The following MMP28 variants were observed in gnomAD, a reference collection of about 807,000 sequenced individuals.
The protein encoded by MMP28 is matrix metalloproteinase-28.
In MMP28, 55 loss-of-function variants were observed where a neutral mutation model predicts 60.5. The observed-to-expected ratio is 0.91, with a 90% confidence interval of 0.73 to 1.14. MMP28 has a LOEUF of 1.14. Ranked by LOEUF, MMP28 falls within the 50% of genes most tolerant of loss-of-function variation. The pLI, the probability that MMP28 is intolerant of heterozygous loss-of-function variation, is 0.00. For missense variants in MMP28, 686 were observed against 738.3 expected (o/e 0.93, Z 0.82); for synonymous variants, 318 against 312.5 (o/e 1.02, Z -0.18).
downstream of MMP28, chr17:35,763,968 G>C (rs1199566146): frequency 7.2e-7 from 1 of 1,398,240 alleles, no homozygotes; most frequent in South Asian, 1.7e-5. Context: ...CCCTTTCTCG[G>C]GGACAGCAGG....
At chr17:35,773,946 G>A (rs2086248305) in intron 3 of MMP28, among the ~76,000 whole-genome samples, 1 of 152,114 alleles carries the variant, frequency 6.6e-6, no homozygotes, top group South Asian at 2.1e-4. Flanking sequence ...CCCTTTCCAG[G>A]GCCTGGGGCC....
At chr17:35,767,941 T>C (rs2085996958) in intron 6 of MMP28, 22 bp from the exon 7 acceptor site, 2 of 1,545,846 alleles carry the variant, frequency 1.3e-6, no homozygotes, top group Non-Finnish European at 1.7e-6. Context: ...CAAGAGAGAG[T>C]TGAGGAGTGA....
chr17:35,778,642 G>C, intron 3 of MMP28: 1 of 870,910 alleles, frequency 1.1e-6, no homozygotes, highest in Non-Finnish European at 1.7e-6. Flanking sequence ...AATTACATGG[G>C]TTTTGTGTTT....
intron 4 of MMP28, among the ~76,000 whole-genome samples, chr17:35,772,735 C>A (rs1555606168): frequency 6.6e-6 from 1 of 152,174 alleles, no homozygotes; most frequent in Non-Finnish European, 1.5e-5. Flanking sequence ...ACTTCCCTGT[C>A]AGGGCTGTCG....
downstream of MMP28, among the ~76,000 whole-genome samples, chr17:35,763,132 A>C (rs1403572281): frequency 4.0e-5 from 6 of 151,798 alleles, no homozygotes; most frequent in Admixed American, 3.9e-4. Context: ...CAAAAAAAAA[A>C]AAAAAAATGG....
At chr17:35,777,275 G>A (rs1326920854) in intron 3 of MMP28, among the ~76,000 whole-genome samples, 1 of 152,212 alleles carries the variant, frequency 6.6e-6, no homozygotes, top group Admixed American at 6.5e-5. Context: ...GTAGCTCTCT[G>A]CTCTTCTACT....
chr17:35,791,446 G>C (rs1338205454), intron 1 of MMP28, among the ~76,000 whole-genome samples: 1 of 152,090 alleles, frequency 6.6e-6, no homozygotes, highest in Non-Finnish European at 1.5e-5. Context: ...GCTGAAGCAG[G>C]AGGATCACTT....
At position 35,770,744 on chromosome 17, in the gene MMP28, G is replaced by C. The variant is rs567243009; in HGVS notation, c.605-432C>G. Among the ~76,000 whole-genome samples the C allele has an allele frequency of 1.3e-4, 19 of 151,114 alleles. 1 individual carries two copies. In the South Asian group the frequency reaches 3.8e-3, roughly 30 times the overall value. On this transcript the variant is annotated intron_variant, in intron 4 of 7. Coordinates refer to ENST00000605424, the MANE Select transcript of MMP28 (RefSeq NM_024302.5). ...TGTGTGTGTGTGTGTGTGTGTGTGT[G>C]TACATGTGTATTACAAATGATGCAG... is the stretch of plus-strand genomic sequence containing the variant.
chr17:35,795,171 T>C (rs2086932504), intron 1 of MMP28, 96 bp downstream of exon 1: 3 of 746,216 alleles, frequency 4.0e-6, no homozygotes, highest in Non-Finnish European at 5.8e-6. Context: ...GTAACGCAGA[T>C]TGTCTGCTCA....
At chr17:35,761,185 C>A (rs587707729), downstream of MMP28, among the ~76,000 whole-genome samples, 1 of 149,476 alleles carries the variant, frequency 6.7e-6, no homozygotes, top group East Asian at 2.0e-4. Flanking sequence ...CTCACTGCAG[C>A]CTCTGCCTCC....
intron 3 of MMP28, among the ~76,000 whole-genome samples, chr17:35,777,066 C>A (rs1219240800): frequency 6.6e-6 from 1 of 152,212 alleles, no homozygotes; most frequent in African/African-American, 2.4e-5. Context: ...CTTTCCACTG[C>A]ATTCTCACAA....
intron 1 of MMP28, among the ~76,000 whole-genome samples, chr17:35,788,177 A>C (rs1216633197): frequency 1.3e-5 from 2 of 152,064 alleles, no homozygotes; most frequent in African/African-American, 4.8e-5. Context: ...AAGTGCTGGG[A>C]TTACAGCCAT....
chr17:35,780,672 T>C, intron 1 of MMP28, among the ~76,000 whole-genome samples: 1 of 151,598 alleles, frequency 6.6e-6, no homozygotes, highest in East Asian at 2.0e-4. Flanking sequence ...TCATCTCTAC[T>C]AAAAACACAA....
chr17:35,789,182 A>G (rs1197796329), intron 1 of MMP28, among the ~76,000 whole-genome samples: 1 of 152,222 alleles, frequency 6.6e-6, no homozygotes, highest in Admixed American at 6.5e-5. Context: ...CAGAGACTTG[A>G]GAACACAGGC....
At chr17:35,772,346 T>C (rs1406357512) in intron 4 of MMP28, among the ~76,000 whole-genome samples, 1 of 152,176 alleles carries the variant, frequency 6.6e-6, no homozygotes, top group Non-Finnish European at 1.5e-5. Flanking sequence ...GTAGATCACA[T>C]GGATGAAGTC....
chr17:35,777,415 T>C (rs1377799453), intron 3 of MMP28, among the ~76,000 whole-genome samples: 3 of 152,206 alleles, frequency 2.0e-5, no homozygotes, highest in Non-Finnish European at 4.4e-5. Context: ...CAGTCAGTAC[T>C]GAGGACCCAG....
At chr17:35,763,989 C>G, downstream of MMP28, 1 of 1,525,858 alleles carries the variant, frequency 6.6e-7, no homozygotes, top group South Asian at 1.2e-5. Flanking sequence ...ACTGCCCTGA[C>G]CTCCTCCCGG....
chr17:35,781,402 C>A (rs759650173), intron 1 of MMP28, among the ~76,000 whole-genome samples: 1 of 152,090 alleles, frequency 6.6e-6, no homozygotes, highest in Non-Finnish European at 1.5e-5. Context: ...AAAGCAGCAG[C>A]CTGAATATTT....
intron 6 of MMP28, 138 bp downstream of exon 6, chr17:35,768,092 G>T: frequency 7.7e-7 from 1 of 1,295,116 alleles, no homozygotes; most frequent in Non-Finnish European, 1.1e-6. Flanking sequence ...CTGGGTGTGG[G>T]GTTGCTACCT....
Sources: gnomAD v4.1 joint callset for allele counts (sites outside exome capture counted in the v4.1 genomes callset) on GRCh38, gnomAD v4.1.1 for gene constraint, MANE v1.5 for transcripts, NCBI Gene and HGNC (gene_info 2026-07-23, HGNC 2026-07-21) for gene names.